The following OVCH1 variants were observed in gnomAD, a reference collection of about 807,000 sequenced individuals.
The protein encoded by OVCH1 is ovochymase-1.
OVCH1 carries 139 observed loss-of-function variants against 138.4 expected under a neutral mutation model. That is an observed-to-expected ratio of 1.00 (90% confidence interval 0.87 to 1.16). The LOEUF is 1.16. OVCH1 is among the 50% of genes most tolerant of loss of function. OVCH1 has a pLI of 0.00. For missense variants in OVCH1, 1,367 were observed against 1,357.9 expected (o/e 1.01, Z -0.11); for synonymous variants, 453 against 467.8 (o/e 0.97, Z 0.41).
At position 29,489,677 on chromosome 12, in the gene OVCH1, G is replaced by A. The variant is rs1455429554; in HGVS notation, c.645C>T (p.Pro215=). 5 of 1,609,754 alleles carry A rather than the reference G, an allele frequency of 3.1e-6. No homozygotes were observed. In the East Asian group the frequency reaches 1.1e-4, roughly 36 times the overall value. The change falls in exon 6 of 28, where the codon CCC becomes CCT. Residue 215 remains proline, a synonymous_variant. Coordinates refer to ENST00000318184, the Ensembl canonical transcript of OVCH1. ...CAGCACACAGCATGGTCCTTCCCAG[G>A]GGAGGGAGGTTCATGCTCTTGAGCA...
chr12:29,437,088 C>A (rs1345963127), intron 26 of OVCH1, among the ~76,000 whole-genome samples: 2 of 152,158 alleles, frequency 1.3e-5, no homozygotes, highest in Admixed American at 6.5e-5. Flanking sequence ...CTGATTGGTG[C>A]ATTTTTACAG....
chr12:29,494,089 C>G (rs1435021305), intron 4 of OVCH1, among the ~76,000 whole-genome samples: 2 of 152,102 alleles, frequency 1.3e-5, no homozygotes, highest in African/African-American at 2.4e-5. Flanking sequence ...TTCTGAGAAC[C>G]CTCTGTCCAG....
At chr12:29,493,120 G>T (rs374569255) in intron 4 of OVCH1, among the ~76,000 whole-genome samples, 1 of 152,106 alleles carries the variant, frequency 6.6e-6, no homozygotes, top group Non-Finnish European at 1.5e-5. Context: ...TTGAGGAAAC[G>T]AAATTGACAT....
chr12:29,491,236 A>T, intron 4 of OVCH1, 44 bp from the exon 5 acceptor site: 3 of 1,442,798 alleles, frequency 2.1e-6, no homozygotes, highest in Non-Finnish European at 2.9e-6. Flanking sequence ...TAAATACGCC[A>T]TGTTGAATAT....
chr12:29,472,856 G>T (rs1411372197), intron 15 of OVCH1, among the ~76,000 whole-genome samples, 173 bp downstream of exon 15: 3 of 152,076 alleles, frequency 2.0e-5, no homozygotes, highest in Non-Finnish European at 4.4e-5. Context: ...CTCTATTTAT[G>T]AGTCTAACTA....
chr12:29,496,250 A>C, exon 3 of OVCH1: 2 of 1,608,344 alleles, frequency 1.2e-6, no homozygotes, highest in Non-Finnish European at 1.7e-6. Flanking sequence ...TCCTCCACAG[A>C]AGTGGTGCTC....
At chr12:29,428,403 G>A (rs1297156502) in intron 27 of OVCH1, among the ~76,000 whole-genome samples, 1 of 152,096 alleles carries the variant, frequency 6.6e-6, no homozygotes, top group African/African-American at 2.4e-5. Flanking sequence ...ATACCCCATG[G>A]TTTTCCATGG....
chr12:29,477,026 A>G, intron 12 of OVCH1, 76 bp downstream of exon 12: 1 of 1,417,816 alleles, frequency 7.1e-7, no homozygotes, highest in Non-Finnish European at 9.3e-7. Flanking sequence ...CAATTTAACA[A>G]TCCAGATGAA....
At chr12:29,468,510 C>T (rs1467400063) in intron 16 of OVCH1, among the ~76,000 whole-genome samples, 3 of 152,014 alleles carry the variant, frequency 2.0e-5, no homozygotes, top group African/African-American at 7.2e-5. Flanking sequence ...TCAGAATAGA[C>T]CATGTAATTT....
At chr12:29,496,508 T>A in intron 2 of OVCH1, 48 bp downstream of exon 2, 1 of 1,467,840 alleles carries the variant, frequency 6.8e-7, no homozygotes, top group Non-Finnish European at 9.4e-7. Context: ...ACAAAGGAAA[T>A]ATTTCACTGT....
At chr12:29,469,918 C>T (rs1303411478) in intron 16 of OVCH1, among the ~76,000 whole-genome samples, 3 of 152,114 alleles carry the variant, frequency 2.0e-5, no homozygotes, top group Middle Eastern at 3.2e-3. Context: ...ACCCTCTGCA[C>T]ATTAGAATCA....
chr12:29,496,134 A>G (rs755383576), intron 3 of OVCH1, 47 bp downstream of exon 3: 4 of 1,501,072 alleles, frequency 2.7e-6, no homozygotes, highest in South Asian at 2.4e-5. Flanking sequence ...TGCCAGTCGC[A>G]TAGCCAGGAA....
intron 22 of OVCH1, among the ~76,000 whole-genome samples, chr12:29,450,479 C>T (rs536475580): frequency 2.0e-5 from 3 of 152,254 alleles, no homozygotes; most frequent in African/African-American, 7.2e-5. Context: ...CCATCTCACT[C>T]CAGTTAGAAT....
intron 22 of OVCH1, among the ~76,000 whole-genome samples, chr12:29,448,929 C>T (rs1489232641): frequency 6.6e-6 from 1 of 152,032 alleles, no homozygotes; most frequent in Non-Finnish European, 1.5e-5. Flanking sequence ...TCCCCATTAA[C>T]CAAATTATTT....
chr12:29,457,279 CA>C, intron 19 of OVCH1, among the ~76,000 whole-genome samples: 1 of 151,586 alleles, frequency 6.6e-6, no homozygotes, highest in African/African-American at 2.4e-5. Context: ...CATCATTTTT[CA>C]GGCAATTACA....
At chr12:29,419,292 G>GT (rs202235308) in intron 3 of OVCH1, among the ~76,000 whole-genome samples, 5 of 135,170 alleles carry the variant, frequency 3.7e-5, no homozygotes, top group Non-Finnish European at 1.7e-5. Context: ...AACAAAGTAT[G>GT]ATTTTTTTTT....
In OVCH1 at chr12:29,489,427, T is replaced by C. The variant is rs550027668; in HGVS notation, c.702+193A>G. Among the ~76,000 whole-genome samples, 11 of 152,288 alleles carry C rather than the reference T, an allele frequency of 7.2e-5. No individual in the cohort carries two copies. The East Asian group carries it at 1.7e-3, about 24-fold the overall frequency. On this transcript the variant is annotated intron_variant, in intron 6 of 27. Coordinates refer to ENST00000318184, the Ensembl canonical transcript of OVCH1. ...AATAAAAGAAGTGTAGGGGTAGGAA[T>C]GGACGTGGAGACAGGAAATAATTCT... is the stretch of plus-strand genomic sequence containing the variant.
intron 6 of OVCH1, among the ~76,000 whole-genome samples, chr12:29,489,356 A>G (rs1383197598): frequency 1.3e-5 from 2 of 152,216 alleles, no homozygotes; most frequent in Non-Finnish European, 2.9e-5. Context: ...GCTTGATTCC[A>G]TTAGGTTGCA....
At chr12:29,474,920 G>A in intron 14 of OVCH1, 141 bp downstream of exon 14, 1 of 957,080 alleles carries the variant, frequency 1.0e-6, no homozygotes, top group Non-Finnish European at 1.5e-6. Context: ...TAGGTTTCTA[G>A]GGGTGGATCC....
Sources: gnomAD v4.1 joint callset for allele counts (sites outside exome capture counted in the v4.1 genomes callset) on GRCh38, gnomAD v4.1.1 for gene constraint, MANE v1.5 for transcripts, NCBI Gene and HGNC (gene_info 2026-07-23, HGNC 2026-07-21) for gene names.